The following NTRK3 variants were observed in gnomAD, a reference collection of about 807,000 sequenced individuals.
The protein encoded by NTRK3 is neurotrophic receptor tyrosine kinase 3.
NTRK3 carries 24 observed loss-of-function variants against 91.7 expected under a neutral mutation model. The ratio of observed to expected loss-of-function variants is 0.26; its 90% CI spans 0.19 to 0.37. The LOEUF is 0.37. NTRK3 is among the 10% of genes least tolerant of loss of function. The probability of loss-of-function intolerance (pLI) is 1.00; values close to 1 mark genes in which losing one functional copy is unlikely to be tolerated. For missense variants in NTRK3, 880 were observed against 1,068.9 expected (o/e 0.82, Z 2.46); for synonymous variants, 483 against 404.0 (o/e 1.20, Z -2.34).
chr15:87,960,993 T>C (rs373967140), intron 14 of NTRK3, among the ~76,000 whole-genome samples: 1 of 152,218 alleles, frequency 6.6e-6, no homozygotes, highest in Admixed American at 6.5e-5. Flanking sequence ...CAGTGATCTC[T>C]GATGCCCAGG....
At chr15:87,892,808 A>G (rs2065916090) in intron 17 of NTRK3, among the ~76,000 whole-genome samples, 1 of 152,208 alleles carries the variant, frequency 6.6e-6, no homozygotes, top group Non-Finnish European at 1.5e-5. Flanking sequence ...AAAATATATA[A>G]AGATAAAATT....
At chr15:88,049,673 C>T (rs372498042) in intron 13 of NTRK3, among the ~76,000 whole-genome samples, 1 of 152,160 alleles carries the variant, frequency 6.6e-6, no homozygotes, top group South Asian at 2.1e-4. Context: ...GAACATTGGC[C>T]TAATATGCAA....
intron 14 of NTRK3, among the ~76,000 whole-genome samples, chr15:87,947,626 C>T (rs772876805): frequency 4.0e-4 from 60 of 151,840 alleles, no homozygotes; most frequent in South Asian, 1.7e-3. Context: ...TCACCCATTA[C>T]AAGGTGAGTC....
chr15:88,031,474 C>A (rs1331133457), intron 14 of NTRK3, among the ~76,000 whole-genome samples: 1 of 152,160 alleles, frequency 6.6e-6, no homozygotes, highest in Non-Finnish European at 1.5e-5. Flanking sequence ...GGAAATTTAG[C>A]CAGAAGTGAA....
intron 14 of NTRK3, among the ~76,000 whole-genome samples, chr15:88,005,112 T>C (rs1262230127): frequency 6.6e-6 from 1 of 152,204 alleles, no homozygotes; most frequent in Non-Finnish European, 1.5e-5. Context: ...TTTCCCTCTA[T>C]TGATTTGGGT....
At chr15:88,106,682 A>T (rs946150823) in intron 13 of NTRK3, among the ~76,000 whole-genome samples, 19 of 151,748 alleles carry the variant, frequency 1.3e-4, no homozygotes, top group Admixed American at 1.2e-3. Flanking sequence ...CTGTAATCCC[A>T]GCACTTTGGG....
intron 17 of NTRK3, among the ~76,000 whole-genome samples, chr15:87,897,136 G>A (rs2066175185): frequency 6.6e-6 from 1 of 152,182 alleles, no homozygotes; most frequent in South Asian, 2.1e-4. Context: ...AATACAAGGA[G>A]TTGAGAGCCA....
intron 10 of NTRK3, among the ~76,000 whole-genome samples, chr15:88,134,060 C>T (rs934227532): frequency 6.6e-6 from 1 of 152,180 alleles, no homozygotes; most frequent in African/African-American, 2.4e-5. Flanking sequence ...GCTCTTTCTG[C>T]CTTTTCCCTT....
intron 14 of NTRK3, among the ~76,000 whole-genome samples, chr15:87,983,456 G>A (rs576525298): frequency 1.3e-5 from 2 of 152,158 alleles, no homozygotes; most frequent in Non-Finnish European, 1.5e-5. Flanking sequence ...TATGCCAATC[G>A]TACCATCAGA....
intron 14 of NTRK3, among the ~76,000 whole-genome samples, chr15:87,944,856 A>G (rs2142056268): frequency 6.6e-6 from 1 of 152,338 alleles, no homozygotes; most frequent in East Asian, 1.9e-4. Flanking sequence ...GACTGGAGTG[A>G]GCCGTTTCAC....
At chr15:87,864,482 T>A (rs1409543502) in exon 19 of NTRK3, 1 of 229,746 alleles carries the variant, frequency 4.4e-6, no homozygotes, top group Admixed American at 5.7e-5. Flanking sequence ...CCAAATGATA[T>A]CTCTGAAATC....
chr15:88,105,518 G>A (rs1469862067), intron 13 of NTRK3, among the ~76,000 whole-genome samples: 2 of 152,188 alleles, frequency 1.3e-5, no homozygotes, highest in Non-Finnish European at 2.9e-5. Flanking sequence ...GAGAAGAACT[G>A]CATCTCCCTA....
chr15:88,147,044 ATAAG>A (rs1302708344), intron 6 of NTRK3, among the ~76,000 whole-genome samples: 5 of 152,172 alleles, frequency 3.3e-5, no homozygotes, highest in Admixed American at 3.3e-4. Flanking sequence ...ATTCTTTATT[ATAAG>A]TATTTATACT....
Position 88,256,504 on chromosome 15 carries a change from A to G in NTRK3, c.-218-18T>C. 2.0e-6 allele frequency: 1 copy of G among 505,156 alleles called. No individual in the cohort carries two copies. The highest frequency in any genetic ancestry group is 3.4e-6 in the Non-Finnish European group (1 of 293,344). 31.3% of individuals were successfully genotyped at this position (505,156 alleles called of 1,614,324 possible). A position where few individuals can be genotyped will look rare whatever the true frequency, so the allele number is the denominator to read the frequency against. The stretch of plus-strand genomic sequence containing the variant: ...CTCCGAGACTTTGCAGGGTTGCAAC[A>G]GACGGTGGGGAGGCAAAAAAAAAAA... On this transcript the variant is annotated intron_variant, in intron 1 of 18. Transcript: ENST00000394480.
intron 13 of NTRK3, among the ~76,000 whole-genome samples, chr15:88,083,699 A>T (rs1351495158): frequency 6.6e-6 from 1 of 152,204 alleles, no homozygotes; most frequent in East Asian, 1.9e-4. Flanking sequence ...AAGTCACTGC[A>T]AGAGTTAGAT....
At chr15:87,894,546 C>A (rs1015553734) in intron 17 of NTRK3, among the ~76,000 whole-genome samples, 2 of 152,112 alleles carry the variant, frequency 1.3e-5, no homozygotes, top group Non-Finnish European at 1.5e-5. Context: ...TTGGACATTT[C>A]CAGAAATAAA....
chr15:88,124,108 C>T (rs770680202), intron 13 of NTRK3, among the ~76,000 whole-genome samples: 6 of 152,196 alleles, frequency 3.9e-5, no homozygotes, highest in Non-Finnish European at 8.8e-5. Flanking sequence ...GAGACCCAAA[C>T]ATAATCTGGC....
intron 13 of NTRK3, among the ~76,000 whole-genome samples, chr15:88,111,723 G>C (rs1176001412): frequency 6.6e-6 from 1 of 152,158 alleles, no homozygotes; most frequent in Non-Finnish European, 1.5e-5. Flanking sequence ...AGCAGGGTCT[G>C]TGAATCTCAG....
At chr15:88,026,712 A>G (rs2078070195) in intron 14 of NTRK3, among the ~76,000 whole-genome samples, 1 of 152,246 alleles carries the variant, frequency 6.6e-6, no homozygotes, top group South Asian at 2.1e-4. Context: ...TTAATAATAG[A>G]GAAAACTGTA....
Sources: gnomAD v4.1 joint callset for allele counts (sites outside exome capture counted in the v4.1 genomes callset) on GRCh38, gnomAD v4.1.1 for gene constraint, MANE v1.5 for transcripts, NCBI Gene and HGNC (gene_info 2026-07-23, HGNC 2026-07-21) for gene names.